Variants in HDHD2 observed in about 807,000 individuals in gnomAD.
HDHD2 encodes haloacid dehalogenase-like hydrolase domain-containing protein 2.
HDHD2 carries 26 observed loss-of-function variants against 24.8 expected under a neutral mutation model. The ratio of observed to expected loss-of-function variants is 1.05; its 90% confidence interval spans 0.77 to 1.45. The LOEUF (loss-of-function observed/expected upper bound fraction) is 1.45, where lower values mean the gene tolerates loss of function less well. HDHD2 is among the 40% of genes most tolerant of loss of function. The pLI, the probability that HDHD2 is intolerant of heterozygous loss-of-function variation, is 0.00. For missense variants in HDHD2, 299 were observed against 313.4 expected, an observed-to-expected ratio of 0.95 and a Z score of 0.35; for synonymous variants, 128 against 114.9, an observed-to-expected ratio of 1.11 and a Z score of -0.73.
chr18:47,115,424 A>G (rs2063551013), intron 4 of HDHD2, 76 bp from the exon 5 acceptor site: 5 of 1,017,760 alleles, frequency 4.9e-6, no homozygotes, highest in Non-Finnish European at 7.4e-6. Flanking sequence ...TGTCAGACTT[A>G]CAAAGTGGCT....
rs1331088573 is a variant in HDHD2, at chr18:47,110,236, C to T, written c.677-1451G>A. On this transcript the variant is annotated intron_variant, in intron 6 of 6. Transcript: ENST00000300605. ...CATCTTTGCATCATGGTGGAGAAGA[C>T]GCTTCCTGTCTTATCTTACTGATTA... The T allele has an allele frequency of 1.9e-5, 19 of 985,318 alleles. No homozygotes were observed. In the South Asian group the frequency reaches 5.6e-4, roughly 29 times the overall value. 61.0% of individuals were successfully genotyped at this position (985,318 alleles called of 1,614,324 possible). A position where few individuals can be genotyped will look rare whatever the true frequency, so the allele number is the denominator to read the frequency against.
At chr18:47,139,469 A>G (rs1320297111) in intron 1 of HDHD2, among the ~76,000 whole-genome samples, 2 of 145,864 alleles carry the variant, frequency 1.4e-5, no homozygotes, top group African/African-American at 5.4e-5. Context: ...TGTCTCAAAA[A>G]AAAAAAAAAA....
At chr18:47,109,956 T>C in intron 6 of HDHD2, 1 of 984,836 alleles carries the variant, frequency 1.0e-6, no homozygotes, top group Middle Eastern at 5.2e-4. Flanking sequence ...TTTTAAAGAA[T>C]GAATGGAGGG....
chr18:47,132,072 C>T (rs918633498), intron 3 of HDHD2, among the ~76,000 whole-genome samples: 2 of 152,192 alleles, frequency 1.3e-5, no homozygotes, highest in African/African-American at 2.4e-5. Context: ...TCTTCCCTTG[C>T]TTCCCCTTTA....
chr18:47,126,924 G>A (rs1458124702), intron 4 of HDHD2, among the ~76,000 whole-genome samples: 1 of 152,210 alleles, frequency 6.6e-6, no homozygotes, highest in African/African-American at 2.4e-5. Flanking sequence ...CAGCACTTTG[G>A]GAGGCTGAGG....
intron 2 of HDHD2, 128 bp from the exon 3 acceptor site, chr18:47,134,832 C>G (rs2063748619): frequency 1.4e-6 from 1 of 697,804 alleles, no homozygotes; most frequent in Admixed American, 2.8e-5. Flanking sequence ...AGCCTCTTGC[C>G]CCTCCAGAAT....
At chr18:47,149,345 G>C (rs895150593) in intron 1 of HDHD2, among the ~76,000 whole-genome samples, 1 of 152,012 alleles carries the variant, frequency 6.6e-6, no homozygotes, top group Non-Finnish European at 1.5e-5. Context: ...AAAACCCCTG[G>C]GAAGTACAAA....
At chr18:47,112,246 T>G (rs141865331) in intron 6 of HDHD2, among the ~76,000 whole-genome samples, 34 of 152,308 alleles carry the variant, frequency 2.2e-4, no homozygotes, top group African/African-American at 7.9e-4. Context: ...GATCATAAAC[T>G]ATGAGGGCGA....
intron 1 of HDHD2, among the ~76,000 whole-genome samples, chr18:47,145,304 C>T (rs1421820735): frequency 1.3e-5 from 2 of 152,280 alleles, no homozygotes; most frequent in East Asian, 3.9e-4. Flanking sequence ...CCAAGTATAG[C>T]CAAGACACTT....
intron 4 of HDHD2, among the ~76,000 whole-genome samples, chr18:47,116,249 G>A (rs1003523074): frequency 5.3e-5 from 8 of 152,160 alleles, no homozygotes; most frequent in African/African-American, 1.9e-4. Context: ...TAGCATGCGG[G>A]ACATGATATA....
At chr18:47,141,077 C>T (rs1161496762) in intron 1 of HDHD2, among the ~76,000 whole-genome samples, 2 of 152,180 alleles carry the variant, frequency 1.3e-5, no homozygotes, top group East Asian at 1.9e-4. Context: ...AGTATTTAAA[C>T]ATTAAGTAAA....
chr18:47,144,515 A>T (rs996264717), intron 1 of HDHD2, among the ~76,000 whole-genome samples: 1 of 152,202 alleles, frequency 6.6e-6, no homozygotes, highest in Non-Finnish European at 1.5e-5. Flanking sequence ...TACCTAAGAT[A>T]AGCCTCAGAA....
At chr18:47,148,583 A>C (rs993454028) in intron 1 of HDHD2, among the ~76,000 whole-genome samples, 1 of 152,174 alleles carries the variant, frequency 6.6e-6, no homozygotes, top group African/African-American at 2.4e-5. Flanking sequence ...CTGGGCTTGA[A>C]TATCACTGGG....
chr18:47,114,859 A>G (rs910682389), intron 5 of HDHD2, among the ~76,000 whole-genome samples: 1 of 151,256 alleles, frequency 6.6e-6, no homozygotes, highest in African/African-American at 2.4e-5. Context: ...AAATATATAT[A>G]TATTATAGGA....
intron 6 of HDHD2, chr18:47,111,786 T>G: frequency 1.0e-6 from 1 of 985,364 alleles, no homozygotes; most frequent in Non-Finnish European, 1.2e-6. Context: ...ATTTCTTGTT[T>G]CTATTTGAAA....
At chr18:47,127,808 C>T (rs1462244633) in intron 4 of HDHD2, among the ~76,000 whole-genome samples, 1 of 151,668 alleles carries the variant, frequency 6.6e-6, no homozygotes, top group Non-Finnish European at 1.5e-5. Flanking sequence ...TTGTGGGGTG[C>T]TATCCACTAA....
At chr18:47,116,734 TCA>T (rs1295959123) in intron 4 of HDHD2, among the ~76,000 whole-genome samples, 1 of 152,202 alleles carries the variant, frequency 6.6e-6, no homozygotes, top group Non-Finnish European at 1.5e-5. Flanking sequence ...TCTTCTCCTG[TCA>T]CCCCACCCCC....
intron 6 of HDHD2, chr18:47,111,675 T>A (rs1193994904): frequency 1.0e-6 from 1 of 985,302 alleles, no homozygotes; most frequent in Non-Finnish European, 1.2e-6. Context: ...TCTGCAAGGC[T>A]CCAATGGTTC....
intron 4 of HDHD2, among the ~76,000 whole-genome samples, chr18:47,117,493 A>G (rs1428538094): frequency 2.0e-5 from 3 of 152,202 alleles, no homozygotes; most frequent in Admixed American, 1.3e-4. Flanking sequence ...ATGATGCAGC[A>G]AAAGGCCTTC....
Sources: allele counts gnomAD v4.1 joint callset (sites outside exome capture counted in the v4.1 genomes callset), GRCh38; gene constraint gnomAD v4.1.1; transcripts MANE v1.5; gene names NCBI Gene and HGNC (gene_info 2026-07-23, HGNC 2026-07-21).